NSL1: variants seen among roughly 807,000 people sequenced by gnomAD.
The protein encoded by NSL1 is kinetochore-associated protein NSL1 homolog.
A neutral mutation model predicts 25.4 loss-of-function variants in NSL1; 11 were observed. The observed-to-expected ratio is 0.43, with a 90% confidence interval of 0.27 to 0.72. The LOEUF is 0.72. Ranked by LOEUF, NSL1 falls within the 30% of genes least tolerant of loss-of-function variation. The pLI is 0.19. For missense variants in NSL1, 330 were observed against 342.7 expected, an observed-to-expected ratio of 0.96 and a Z score of 0.29; for synonymous variants, 118 against 120.6, an observed-to-expected ratio of 0.98 and a Z score of 0.14.
intron 4 of NSL1, among the ~76,000 whole-genome samples, chr1:212,778,589 C>G (rs939620991): frequency 6.6e-6 from 1 of 150,774 alleles, no homozygotes; most frequent in South Asian, 2.1e-4. Context: ...TTGGTGGAGA[C>G]GGGGTTTCAC....
At position 212,729,251 on chromosome 1, in the gene NSL1, T is replaced by G; in HGVS notation, c.*9157A>C. ...AGCAGAAGTGCAGGTTTGCTTGGGC[T>G]CCTAGCCTCTCCCTCAGCTCCCTCT... On this transcript the variant is annotated 3_prime_UTR_variant, in exon 6 of 6. Coordinates refer to ENST00000366977, the MANE Select transcript of NSL1 (RefSeq NM_015471.4). 6 of 985,432 alleles carry G rather than the reference T, an allele frequency of 6.1e-6. No homozygotes were observed. Among genetic ancestry groups the G allele is most frequent in the Non-Finnish European group, 7.2e-6 (6 of 829,926 alleles). The allele number at this position is 985,432 out of a possible 1,614,324, so 61.0% of individuals were successfully genotyped here. A position where few individuals can be genotyped will look rare whatever the true frequency, so the allele number is the denominator to read the frequency against.
chr1:212,789,881 CA>C (rs901580874), intron 1 of NSL1, among the ~76,000 whole-genome samples: 18 of 152,146 alleles, frequency 1.2e-4, no homozygotes, highest in African/African-American at 4.3e-4. Flanking sequence ...AGTCTTCTCC[CA>C]AAAAACTACT....
rs1157649942 is a variant in NSL1 at position 212,760,646 on chromosome 1, T to C, written c.500-21045A>G. Among the ~76,000 whole-genome samples the C allele has an allele frequency of 2.0e-5, 3 of 151,970 alleles. No homozygotes were observed. Among genetic ancestry groups the C allele is most frequent in the Non-Finnish European group, 4.4e-5 (3 of 67,962 alleles). On this transcript the variant is annotated intron_variant, in intron 4 of 5. Transcript: ENST00000366977. This position sits in a 1 kb window ranked among gnomAD's most constrained non-coding sequence, Gnocchi z 4.3. Reference sequence around the variant, plus strand: ...ACCACTGCCGCCTGTGCTTGCTGCCTGGGGGCCTGACGGTTGACCCGCCAC... The same window carrying C: ...ACCACTGCCGCCTGTGCTTGCTGCCCGGGGGCCTGACGGTTGACCCGCCAC...
At chr1:212,777,917 A>G (rs554920649) in intron 4 of NSL1, among the ~76,000 whole-genome samples, 3 of 152,370 alleles carry the variant, frequency 2.0e-5, no homozygotes, top group African/African-American at 7.2e-5. Context: ...CTATGTATGC[A>G]GAATGAAATG....
chr1:212,787,029 G>C (rs990812334), intron 2 of NSL1, among the ~76,000 whole-genome samples: 3 of 151,896 alleles, frequency 2.0e-5, no homozygotes, highest in African/African-American at 7.3e-5. Context: ...AGGCGTGGTG[G>C]CCACATGCCT....
intron 4 of NSL1, among the ~76,000 whole-genome samples, chr1:212,775,904 T>C (rs549125845): frequency 1.8e-4 from 27 of 151,966 alleles, no homozygotes; most frequent in African/African-American, 6.3e-4. Context: ...CTCGGCTCAC[T>C]GACAGCTCCG....
chr1:212,759,530 T>C (rs1659461552), intron 4 of NSL1, among the ~76,000 whole-genome samples: 1 of 152,088 alleles, frequency 6.6e-6, no homozygotes, highest in Non-Finnish European at 1.5e-5. Flanking sequence ...AAGACTAGTA[T>C]AGGGAGCTGT....
intron 4 of NSL1, among the ~76,000 whole-genome samples, chr1:212,767,274 C>CA (rs1424658859): frequency 6.6e-6 from 1 of 152,254 alleles, no homozygotes; most frequent in Non-Finnish European, 1.5e-5. Context: ...ACAGAGAACT[C>CA]AGAAATAAAG....
intron 4 of NSL1, among the ~76,000 whole-genome samples, chr1:212,773,992 A>G (rs1275347585): frequency 6.6e-6 from 1 of 152,142 alleles, no homozygotes; most frequent in Admixed American, 6.6e-5. Flanking sequence ...AACTAAAAAA[A>G]TTGATCTCAT....
chr1:212,751,460 C>T (rs192612775), intron 4 of NSL1, among the ~76,000 whole-genome samples: 8 of 152,272 alleles, frequency 5.3e-5, no homozygotes, highest in Non-Finnish European at 1.0e-4. Flanking sequence ...TATAACTTTC[C>T]AAAATACTGC....
In NSL1 at chr1:212,729,710, A is replaced by G. The variant is rs1366627572; in HGVS notation, c.*8698T>C. 1 of 985,420 alleles carries G rather than the reference A, an allele frequency of 1.0e-6. No individual in the cohort carries two copies. The highest frequency in any genetic ancestry group is 1.2e-6 in the Non-Finnish European group (1 of 829,934). The allele number at this position is 985,420 out of a possible 1,614,324, so 61.0% of individuals were successfully genotyped here. ...AGAGAAGGAAATGAAGCAAGATACC[A>G]AGGTCAAATCCTCCTCTCTTTTCCT... On this transcript the variant is annotated 3_prime_UTR_variant, in exon 6 of 6. Transcript: ENST00000366977.
chr1:212,781,849 T>C (rs1660744674), intron 4 of NSL1: 1 of 192,442 alleles, frequency 5.2e-6, no homozygotes, highest in South Asian at 8.9e-5. Context: ...CATAAATTTG[T>C]TTGTGTCAAG....
chr1:212,781,481 C>G (rs1435594787), intron 4 of NSL1, among the ~76,000 whole-genome samples: 1 of 152,114 alleles, frequency 6.6e-6, no homozygotes. Context: ...TTTTTAATGT[C>G]AAACACAATA....
At position 212,732,139 on chromosome 1, in the gene NSL1, TG is replaced by T. The variant is rs1658044003; in HGVS notation, c.*6268del. 1.0e-6 allele frequency: 1 copy of T among 984,858 alleles called. No homozygotes were observed. The highest frequency in any genetic ancestry group is 4.7e-5 in the South Asian group (1 of 21,278). The allele number at this position is 984,858 out of a possible 1,614,324, so 61.0% of individuals were successfully genotyped here. ...GTAACCATGATTACATTTCTTTTTT[TG>T]TACAGCTTTCTGCCTCTACTGTAGT... is the stretch of plus-strand genomic sequence containing the variant. On this transcript the variant is annotated 3_prime_UTR_variant, in exon 6 of 6. Coordinates refer to ENST00000366977, the MANE Select transcript of NSL1 (RefSeq NM_015471.4).
chr1:212,736,013 G>A lies in NSL1; in HGVS notation c.*2395C>T. Reference sequence around the variant, plus strand: ...GCTTTGACAGTGTTCTCTCTTCTTTGGGACTAGACTTAACCTTCTTGTGTT... The same window carrying A: ...GCTTTGACAGTGTTCTCTCTTCTTTAGGACTAGACTTAACCTTCTTGTGTT... On this transcript the variant is annotated 3_prime_UTR_variant, in exon 6 of 6. Transcript: ENST00000366977. The A allele has an allele frequency of 1.0e-6, 1 of 985,338 alleles. No individual in the cohort carries two copies. The highest frequency in any genetic ancestry group is 1.2e-6 in the Non-Finnish European group (1 of 829,902). The allele number at this position is 985,338 out of a possible 1,614,324, so 61.0% of individuals were successfully genotyped here.
chr1:212,749,342 T>G (rs1334127348), intron 4 of NSL1, among the ~76,000 whole-genome samples: 5 of 87,460 alleles, frequency 5.7e-5, no homozygotes, highest in Admixed American at 9.6e-5. Context: ...TTATTGTGTT[T>G]TTTTTTTTTT....
intron 4 of NSL1, among the ~76,000 whole-genome samples, chr1:212,770,103 C>A (rs576351463): frequency 2.6e-5 from 4 of 151,988 alleles, no homozygotes; most frequent in South Asian, 2.1e-4. Context: ...CAAAGGAGGC[C>A]ATTACATAAT....
Position 212,729,797 on chromosome 1 carries a change from G to A in NSL1, c.*8611C>T, listed in dbSNP as rs1657936761. 3.0e-6 allele frequency: 3 copies of A among 985,244 alleles called. No individual in the cohort carries two copies. Among genetic ancestry groups the A allele is most frequent in the Non-Finnish European group, 3.6e-6 (3 of 829,922 alleles). The allele number at this position is 985,244 out of a possible 1,614,324, so 61.0% of individuals were successfully genotyped here. A position where few individuals can be genotyped will look rare whatever the true frequency, so the allele number is the denominator to read the frequency against. ...ATAAAACGGCTCAAAAGAACAGCTA[G>A]AACATGGAAAAAGCAATGTAATCAG... On this transcript the variant is annotated 3_prime_UTR_variant, in exon 6 of 6. Transcript: ENST00000366977.
intron 4 of NSL1, among the ~76,000 whole-genome samples, chr1:212,746,070 G>T (rs999481157): frequency 6.6e-6 from 1 of 152,218 alleles, no homozygotes; most frequent in Non-Finnish European, 1.5e-5. Context: ...GAAATGAAAG[G>T]ATGCTAGACA....
Sources: allele counts gnomAD v4.1 joint callset (sites outside exome capture counted in the v4.1 genomes callset), GRCh38; gene constraint gnomAD v4.1.1; non-coding constraint Gnocchi (gnomAD v3.1); transcripts MANE v1.5; gene names NCBI Gene and HGNC (gene_info 2026-07-23, HGNC 2026-07-21).